ANKRD26: variants seen among roughly 807,000 people sequenced by gnomAD.
The protein encoded by ANKRD26 is ankyrin repeat domain-containing protein 26.
In ANKRD26, 141 loss-of-function variants were observed where a neutral mutation model predicts 208.7. The observed-to-expected ratio is 0.68, with a 90% CI of 0.59 to 0.78. The LOEUF (loss-of-function observed/expected upper bound fraction) is 0.78, where lower values mean the gene tolerates loss of function less well. Among genes scored for constraint, ANKRD26 ranks in the 30% least tolerant of loss-of-function variants. The probability of loss-of-function intolerance (pLI) is 0.00; values close to 1 mark genes in which losing one functional copy is unlikely to be tolerated. For synonymous variants in ANKRD26, 636 were observed against 660.4 expected (o/e 0.96, Z 0.57); for missense variants, 1,889 against 1,938.7 (o/e 0.97, Z 0.48).
At chr10:27,048,764 T>G in intron 17 of ANKRD26, 37 bp downstream of exon 17, 1 of 1,580,596 alleles carries the variant, frequency 6.3e-7, no homozygotes, top group Non-Finnish European at 8.7e-7. Flanking sequence ...TATAGCACAA[T>G]AACAATTATC....
intron 4 of ANKRD26, among the ~76,000 whole-genome samples, chr10:26,982,598 A>T (rs1011836718): frequency 2.1e-5 from 3 of 144,520 alleles, no homozygotes; most frequent in Non-Finnish European, 3.1e-5. Context: ...ATGGAGATTT[A>T]AAAAAAAAAA....
At chr10:27,095,635 T>C (rs1389358891) in intron 1 of ANKRD26, among the ~76,000 whole-genome samples, 4 of 152,194 alleles carry the variant, frequency 2.6e-5, no homozygotes, top group African/African-American at 9.7e-5. Flanking sequence ...GCCACTTTAC[T>C]CCAGCCTGGG....
At chr10:26,965,875 GA>G in the ANKRD26 span, among the ~76,000 whole-genome samples, 18 of 150,960 alleles carry the variant, frequency 1.2e-4, no homozygotes, top group East Asian at 9.7e-4. Flanking sequence ...AGAAACATAT[GA>G]AAAAAAAACT....
intron 9 of ANKRD26, among the ~76,000 whole-genome samples, chr10:27,072,628 G>A (rs931091630): frequency 6.6e-6 from 1 of 152,122 alleles, no homozygotes; most frequent in Non-Finnish European, 1.5e-5. Flanking sequence ...TGCAACTGGC[G>A]CTCTTTTGCA....
chr10:27,050,244 A>AAAAAAAAAAAAAAAAAAAAAAAG (rs2054605396), intron 16 of ANKRD26, among the ~76,000 whole-genome samples: 1 of 134,200 alleles, frequency 7.5e-6, no homozygotes, highest in African/African-American at 3.8e-5. Flanking sequence ...AAAAAAAAAA[A>AAAAAAAAAAAAAAAAAAAAAAAG]AAAGAAAGAA....
intron 29 of ANKRD26, among the ~76,000 whole-genome samples, chr10:27,021,336 C>T: frequency 6.6e-6 from 1 of 152,140 alleles, no homozygotes; most frequent in East Asian, 1.9e-4. Flanking sequence ...TATGGCAGTT[C>T]TATTTTTAGT....
exon 6 of ANKRD26, among the ~76,000 whole-genome samples, chr10:26,975,829 G>A (rs1267928344): frequency 1.3e-5 from 2 of 151,776 alleles, no homozygotes; most frequent in African/African-American, 2.4e-5. Context: ...GTGACAGAGT[G>A]AGTATCCACC....
intron 6 of ANKRD26, chr10:27,080,745 G>C (rs2055878241): frequency 1.0e-6 from 1 of 985,356 alleles, no homozygotes; most frequent in African/African-American, 1.7e-5. Flanking sequence ...AAATGCCCAA[G>C]AGTAGAAGCT....
rs189951249 is a variant in ANKRD26, at chr10:27,039,485, T to C, written c.2375+480A>G. Among the ~76,000 whole-genome samples the C allele has an allele frequency of 1.6e-3, 241 of 150,050 alleles. 1 individual carries two copies. Among genetic ancestry groups the C allele is most frequent in the African/African-American group, 5.6e-3 (227 of 40,862 alleles). On this transcript the variant is annotated intron_variant, in intron 21 of 33. Transcript: ENST00000376087. ...AAAAAAAAAATTTAGGTTGAAAAAA[T>C]GGCCATTTCATTCTCTATTGATTGA...
exon 5 of ANKRD26, among the ~76,000 whole-genome samples, chr10:26,980,614 G>A (rs1186076103): frequency 6.6e-6 from 1 of 152,224 alleles, no homozygotes; most frequent in Non-Finnish European, 1.5e-5. Flanking sequence ...GATCATGAGA[G>A]ATGTTCCTAC....
In ANKRD26 at chr10:27,081,950, C is replaced by A. The variant is rs145806286; in HGVS notation, c.740+853G>T. ...ACAGGGTTTCACCGTGTTAGCCAGG[C>A]TGGTCTCGATCTCCTGACTTTGTGA... On this transcript the variant is annotated intron_variant, in intron 6 of 33. Transcript: ENST00000376087. Among the ~76,000 whole-genome samples, 1,039 of 151,082 alleles carry A rather than the reference C, an allele frequency of 6.9e-3. 4 individuals are homozygous for A. The highest frequency in any genetic ancestry group is 0.032 in the South Asian group (153 of 4,794).
intron 5 of ANKRD26, among the ~76,000 whole-genome samples, chr10:26,992,374 TC>T (rs1220200357): frequency 6.6e-6 from 1 of 151,894 alleles, no homozygotes; most frequent in Non-Finnish European, 1.5e-5. Flanking sequence ...GCCAGGATGT[TC>T]AGGTCCCACA....
At chr10:27,023,044 C>A (rs1277913627) in intron 28 of ANKRD26, among the ~76,000 whole-genome samples, 3 of 152,118 alleles carry the variant, frequency 2.0e-5, no homozygotes, top group African/African-American at 7.2e-5. Flanking sequence ...GAAAATCATA[C>A]TTAGGCTGGA....
the ANKRD26 span, among the ~76,000 whole-genome samples, chr10:26,967,027 C>T: frequency 5.9e-5 from 9 of 152,280 alleles, no homozygotes; most frequent in East Asian, 1.7e-3. Flanking sequence ...GACCACTAAT[C>T]ATAATAAAAG....
At chr10:26,950,794 GC>G in the ANKRD26 span, among the ~76,000 whole-genome samples, 3 of 152,116 alleles carry the variant, frequency 2.0e-5, no homozygotes, top group South Asian at 4.2e-4. Flanking sequence ...TTTCTTTATA[GC>G]AACAGAAAAG....
intron 4 of ANKRD26, among the ~76,000 whole-genome samples, chr10:26,982,527 T>C (rs914711756): frequency 1.3e-5 from 2 of 152,034 alleles, no homozygotes; most frequent in Non-Finnish European, 2.9e-5. Context: ...TAGGATGTTT[T>C]ATTCCTAGAA....
At chr10:27,078,794 G>A (rs541452995) in intron 7 of ANKRD26, among the ~76,000 whole-genome samples, 1 of 150,650 alleles carries the variant, frequency 6.6e-6, no homozygotes, top group Admixed American at 6.7e-5. Flanking sequence ...TTCCTCTATT[G>A]TAGGAAAACT....
In ANKRD26 at chr10:27,077,253, TG is replaced by T; in HGVS notation, c.1077+84del. On this transcript the variant is annotated intron_variant, in intron 9 of 33. Coordinates refer to ENST00000376087, the MANE Select transcript of ANKRD26 (RefSeq NM_014915.3). Reference sequence around the variant, plus strand: ...AACATAATTAGAAACAAAAACTGTATGATCATCTCAATAGATGCATCATTAT... The same window carrying T: ...AACATAATTAGAAACAAAAACTGTATATCATCTCAATAGATGCATCATTAT... The T allele has an allele frequency of 2.5e-6, 3 of 1,183,462 alleles. No individual in the cohort carries two copies. The South Asian group carries it at 3.8e-5, about 15-fold the overall frequency. 73.3% of individuals were successfully genotyped at this position (1,183,462 alleles called of 1,614,324 possible). A position where few individuals can be genotyped will look rare whatever the true frequency, so the allele number is the denominator to read the frequency against.
chr10:27,093,330 A>G lies in ANKRD26; in HGVS notation c.531+19T>C, dbSNP rs550452413. 16 of 1,609,036 alleles carry G rather than the reference A, an allele frequency of 9.9e-6. No homozygotes were observed. The East Asian group carries it at 2.9e-4, about 29-fold the overall frequency. ...AACGCATTTCAAATACTGTAAAAATAAAGTTGGTTGATCTATACCTTGTTT... is the reference window on the plus strand; with the variant it reads ...AACGCATTTCAAATACTGTAAAAATGAAGTTGGTTGATCTATACCTTGTTT... On this transcript the variant is annotated intron_variant, in intron 3 of 33. Coordinates refer to ENST00000376087, the MANE Select transcript of ANKRD26 (RefSeq NM_014915.3).
Sources: gnomAD v4.1 joint callset for allele counts (sites outside exome capture counted in the v4.1 genomes callset) on GRCh38, gnomAD v4.1.1 for gene constraint, MANE v1.5 for transcripts, NCBI Gene and HGNC (gene_info 2026-07-23, HGNC 2026-07-21) for gene names.